The following SSBP3 variants were observed in gnomAD, a reference collection of about 807,000 sequenced individuals.
SSBP3 encodes the protein single-stranded DNA-binding protein 3.
SSBP3 carries 5 observed loss-of-function variants against 69.6 expected under a neutral mutation model. That is an observed-to-expected ratio of 0.07 (90% CI 0.04 to 0.15). The LOEUF (loss-of-function observed/expected upper bound fraction) is 0.15, where lower values mean the gene tolerates loss of function less well. Among genes scored for constraint, SSBP3 ranks in the 10% least tolerant of loss-of-function variants. SSBP3 has a pLI of 1.00. For synonymous variants in SSBP3, 196 were observed against 193.4 expected, an observed-to-expected ratio of 1.01 and a Z score of -0.11; for missense variants, 312 against 534.0, an observed-to-expected ratio of 0.58 and a Z score of 4.10.
intron 4 of SSBP3, among the ~76,000 whole-genome samples, chr1:54,282,637 C>A (rs941450600): frequency 3.9e-5 from 6 of 152,162 alleles, no homozygotes; most frequent in Admixed American, 3.3e-4. Context: ...CTCACACAGG[C>A]GGGGCGGGGC....
intron 4 of SSBP3, among the ~76,000 whole-genome samples, chr1:54,341,380 G>A (rs574073504): frequency 6.6e-6 from 1 of 152,270 alleles, no homozygotes; most frequent in East Asian, 1.9e-4. Context: ...TGACCTCACA[G>A]TGGGCCCATA....
At chr1:54,373,031 G>A (rs1647160791) in intron 4 of SSBP3, among the ~76,000 whole-genome samples, 1 of 152,220 alleles carries the variant, frequency 6.6e-6, no homozygotes, top group Admixed American at 6.5e-5. Flanking sequence ...GAATGATGAA[G>A]AGCAAACCAA....
intron 14 of SSBP3, among the ~76,000 whole-genome samples, chr1:54,232,104 C>T (rs886456472): frequency 6.6e-6 from 1 of 152,300 alleles, no homozygotes; most frequent in Non-Finnish European, 1.5e-5. Flanking sequence ...GTATTATTTA[C>T]TTTTCCATTA....
chr1:54,360,589 C>A (rs1646936085), intron 4 of SSBP3, among the ~76,000 whole-genome samples: 1 of 152,050 alleles, frequency 6.6e-6, no homozygotes, highest in African/African-American at 2.4e-5. Flanking sequence ...ATGGGTCCCC[C>A]CAAGTGTTTC....
chr1:54,266,111 G>A (rs887321183), intron 5 of SSBP3, among the ~76,000 whole-genome samples: 1 of 152,226 alleles, frequency 6.6e-6, no homozygotes, highest in African/African-American at 2.4e-5. Flanking sequence ...GCTTGCCAGC[G>A]CCTCTTTCTC....
exon 18 of SSBP3, chr1:54,226,543 T>C (rs1644287872): frequency 6.5e-6 from 1 of 153,922 alleles, no homozygotes. Context: ...CAGTTTATTA[T>C]TATTATTTTT....
At chr1:54,347,790 T>TA (rs1246897786) in intron 4 of SSBP3, among the ~76,000 whole-genome samples, 3 of 149,922 alleles carry the variant, frequency 2.0e-5, no homozygotes, top group Non-Finnish European at 4.4e-5. Flanking sequence ...CGCTGGAAGA[T>TA]AAGAGAAAGG....
exon 1 of SSBP3, chr1:54,406,268 T>TGCC (rs912319291): frequency 3.1e-4 from 96 of 314,212 alleles, no homozygotes; most frequent in South Asian, 2.9e-3. Flanking sequence ...GGCCTGGGGG[T>TGCC]GCCGCCGCCG....
intron 9 of SSBP3, among the ~76,000 whole-genome samples, chr1:54,250,813 G>T (rs77171223): frequency 0.013 from 1,999 of 152,264 alleles, 31 homozygotes; most frequent in African/African-American, 0.046. Flanking sequence ...ACACCCAGAG[G>T]GCTGGGGGTA....
At chr1:54,256,254 T>TGGG (rs1644919669) in intron 7 of SSBP3, among the ~76,000 whole-genome samples, 1 of 152,232 alleles carries the variant, frequency 6.6e-6, no homozygotes, top group Non-Finnish European at 1.5e-5. Context: ...CTGGATGTGC[T>TGGG]GGCGCTTCTG....
At chr1:54,228,175 C>CGGCTCCGT in intron 17 of SSBP3, 80 bp downstream of exon 17, 1 of 1,331,096 alleles carries the variant, frequency 7.5e-7, no homozygotes, top group Non-Finnish European at 1.1e-6. Context: ...GGCTGCAGCC[C>CGGCTCCGT]GGCTCCGTAG....
chr1:54,349,539 A>C (rs1233844104), intron 4 of SSBP3, among the ~76,000 whole-genome samples: 1 of 152,156 alleles, frequency 6.6e-6, no homozygotes, highest in African/African-American at 2.4e-5. Flanking sequence ...CCCCAAATGA[A>C]GCCAAAATCA....
At chr1:54,235,898 T>C (rs1053411769) in intron 14 of SSBP3, among the ~76,000 whole-genome samples, 1 of 152,230 alleles carries the variant, frequency 6.6e-6, no homozygotes, top group Non-Finnish European at 1.5e-5. Flanking sequence ...AAGAAATTGA[T>C]AAAGTCCTGT....
intron 4 of SSBP3, among the ~76,000 whole-genome samples, chr1:54,350,152 G>A (rs1369107772): frequency 6.6e-6 from 1 of 152,214 alleles, no homozygotes; most frequent in Non-Finnish European, 1.5e-5. Flanking sequence ...ACAGTGTGAA[G>A]ATCTGGGAAG....
chr1:54,333,383 A>T (rs1474299741), intron 4 of SSBP3, among the ~76,000 whole-genome samples: 2 of 152,148 alleles, frequency 1.3e-5, no homozygotes, highest in Non-Finnish European at 2.9e-5. Context: ...CCCTGGATCC[A>T]AACAGGACAG....
At chr1:54,370,181 T>C (rs1205113839) in intron 4 of SSBP3, among the ~76,000 whole-genome samples, 1 of 152,122 alleles carries the variant, frequency 6.6e-6, no homozygotes, top group African/African-American at 2.4e-5. Flanking sequence ...TCCTGGAAGC[T>C]GGTGGCTGGC....
chr1:54,244,838 C>T (rs536156781), intron 9 of SSBP3, among the ~76,000 whole-genome samples: 1 of 152,262 alleles, frequency 6.6e-6, no homozygotes, highest in South Asian at 2.1e-4. Context: ...GGGCTGACTG[C>T]TCCAGCCCTG....
chr1:54,237,228 A>G (rs922746329), intron 14 of SSBP3: 3 of 152,202 alleles, frequency 2.0e-5, no homozygotes, highest in African/African-American at 7.2e-5. Flanking sequence ...CACTACTGTA[A>G]AGGGGCAATG....
At position 54,238,478 on chromosome 1, in the gene SSBP3, C is replaced by T. The variant is rs115595694; in HGVS notation, c.927+651G>A. 4.2e-3 allele frequency: 1,590 copies of T among 376,044 alleles called. 31 individuals carry two copies. The highest frequency in any genetic ancestry group is 0.03 in the African/African-American group (1,413 of 47,040). The allele number at this position is 376,044 out of a possible 1,614,324, so 23.3% of individuals were successfully genotyped here. Reference sequence around the variant, plus strand: ...TGTGGAGGGGAAGCAGATCAGGCCCCGACCTCGGGCAACGCCCCCTGGGTG... The same window carrying T: ...TGTGGAGGGGAAGCAGATCAGGCCCTGACCTCGGGCAACGCCCCCTGGGTG... On this transcript the variant is annotated intron_variant, in intron 14 of 17. Coordinates refer to ENST00000610401, the Ensembl canonical transcript of SSBP3.
Sources: gnomAD v4.1 joint callset for allele counts (sites outside exome capture counted in the v4.1 genomes callset) on GRCh38, gnomAD v4.1.1 for gene constraint, MANE v1.5 for transcripts, NCBI Gene and HGNC (gene_info 2026-07-23, HGNC 2026-07-21) for gene names.